PAFAH2: variants seen among roughly 807,000 people sequenced by gnomAD.
PAFAH2 encodes the protein platelet-activating factor acetylhydrolase 2, cytoplasmic.
In PAFAH2, 42 loss-of-function variants were observed where a neutral mutation model predicts 49.0. The ratio of observed to expected loss-of-function variants is 0.86; its 90% CI spans 0.67 to 1.11. The LOEUF is 1.11. Ranked by LOEUF, PAFAH2 falls within the 50% of genes least tolerant of loss-of-function variation. PAFAH2 has a pLI of 0.00. For missense variants in PAFAH2, 503 were observed against 501.8 expected, an observed-to-expected ratio of 1.00 and a Z score of -0.02; for synonymous variants, 184 against 181.3, an observed-to-expected ratio of 1.01 and a Z score of -0.12.
Position 25,998,036 on chromosome 1 carries a change from G to A in PAFAH2, c.-59C>T, listed in dbSNP as rs2049961219. The A allele has an allele frequency of 1.3e-5, 2 of 152,236 alleles. No individual in the cohort carries two copies. Among genetic ancestry groups the A allele is most frequent in the African/African-American group, 4.8e-5 (2 of 41,452 alleles). 9.4% of individuals were successfully genotyped at this position (152,236 alleles called of 1,614,324 possible). A position where few individuals can be genotyped will look rare whatever the true frequency, so the allele number is the denominator to read the frequency against. On this transcript the variant is annotated 5_prime_UTR_variant, in exon 1 of 11. Coordinates refer to ENST00000374282, the MANE Select transcript of PAFAH2 (RefSeq NM_000437.4). ...CCAATCAAACTTACCCAGTCAAGCTGATTCCTCAGAAGCAGCCCCAGACGT... is the reference window on the plus strand; with the variant it reads ...CCAATCAAACTTACCCAGTCAAGCTAATTCCTCAGAAGCAGCCCCAGACGT...
chr1:25,977,638 G>A (rs1388112785), intron 7 of PAFAH2, among the ~76,000 whole-genome samples: 1 of 145,642 alleles, frequency 6.9e-6, no homozygotes, highest in Non-Finnish European at 1.5e-5. Flanking sequence ...CTGGGTGAGA[G>A]TGAGACCCTG....
chr1:25,992,422 C>T (rs1024493604), intron 1 of PAFAH2, among the ~76,000 whole-genome samples: 2 of 152,198 alleles, frequency 1.3e-5, no homozygotes, highest in African/African-American at 4.8e-5. Flanking sequence ...ACACTCCTGA[C>T]TAGATAACAT....
chr1:25,997,891 T>G (rs1029258026), intron 1 of PAFAH2, 134 bp downstream of exon 1: 1 of 152,136 alleles, frequency 6.6e-6, no homozygotes, highest in African/African-American at 2.4e-5. Flanking sequence ...GGTGTCTGAA[T>G]AGGAAACGTA....
At chr1:25,965,926 T>C (rs1289238749) in intron 10 of PAFAH2, among the ~76,000 whole-genome samples, 2 of 127,616 alleles carry the variant, frequency 1.6e-5, no homozygotes, top group Non-Finnish European at 3.3e-5. Flanking sequence ...CTGCAGAAAC[T>C]GGACTCAAAA....
rs1051225545 is a variant in PAFAH2, at chr1:25,982,455, C to T, written c.575G>A (p.Cys192Tyr). Residue 192 changes from cysteine to tyrosine, a missense_variant, in exon 7 of 11, where the codon TGT becomes TAT. Physicochemically the swap from Cys to Tyr is radical, Grantham distance 194. Transcript: ENST00000374282. ...TTGCAGGATCTTCAACACCCGTAAA[C>T]ACTCGCTTACCCGCTGATGCACCTG... ...NPQVHQRVSE[C>Y]LRVLKILQEV... 1.9e-6 allele frequency: 3 copies of T among 1,613,910 alleles called. No homozygotes were observed. The highest frequency in any genetic ancestry group is 2.2e-5 in the East Asian group (1 of 44,892).
intron 4 of PAFAH2, among the ~76,000 whole-genome samples, chr1:25,985,654 T>C (rs2049771083): frequency 6.6e-6 from 1 of 152,230 alleles, no homozygotes; most frequent in Non-Finnish European, 1.5e-5. Flanking sequence ...TTCCTGAAGG[T>C]AGGAATTCTC....
Position 25,972,545 on chromosome 1 carries a change from G to T in PAFAH2, c.1084+13C>A. On this transcript the variant is annotated intron_variant, in intron 10 of 10. Coordinates refer to ENST00000374282, the MANE Select transcript of PAFAH2 (RefSeq NM_000437.4). ...CCCCACAGCTGCCCCAAGAGCCCCA[G>T]TTTTCTCCTTACCGAGGTGCTTCTG... 1 of 1,611,048 alleles carries T rather than the reference G, an allele frequency of 6.2e-7. No individual in the cohort carries two copies. Among genetic ancestry groups the T allele is most frequent in the Non-Finnish European group, 8.5e-7 (1 of 1,178,070 alleles).
rs80243732 is a variant in PAFAH2 at position 25,990,983 on chromosome 1, G to A, written c.-47-120C>T. On this transcript the variant is annotated intron_variant, in intron 1 of 10. Coordinates refer to ENST00000374282, the MANE Select transcript of PAFAH2 (RefSeq NM_000437.4). The stretch of plus-strand genomic sequence containing the variant: ...TTAGCACCTCATCCTCCCTGCCGTC[G>A]CTCATTAAATCTTGCACCTACTACT... 2,244 of 580,144 alleles carry A rather than the reference G, an allele frequency of 3.9e-3. 40 individuals are homozygous for A. Among genetic ancestry groups the A allele is most frequent in the African/African-American group, 0.038 (2,038 of 53,710 alleles). The allele number at this position is 580,144 out of a possible 1,614,324, so 35.9% of individuals were successfully genotyped here.
intron 4 of PAFAH2, among the ~76,000 whole-genome samples, chr1:25,986,901 C>T (rs2049789717): frequency 6.6e-6 from 1 of 152,028 alleles, no homozygotes; most frequent in South Asian, 2.1e-4. Flanking sequence ...CTATTATATG[C>T]TGGGCACTGC....
intron 7 of PAFAH2, among the ~76,000 whole-genome samples, chr1:25,980,285 C>G (rs1027119915): frequency 5.9e-5 from 9 of 151,846 alleles, no homozygotes; most frequent in Non-Finnish European, 1.0e-4. Flanking sequence ...GGGAGGAGCT[C>G]TTGAAATAGC....
At chr1:25,988,696 A>G (rs6696592) in intron 3 of PAFAH2, among the ~76,000 whole-genome samples, 81,565 of 150,488 alleles carry the variant, frequency 0.54, 24,982 homozygotes, top group East Asian at 0.7. Context: ...CCAGCTACTC[A>G]GGAGGCTGAG....
intron 7 of PAFAH2, among the ~76,000 whole-genome samples, chr1:25,979,556 C>T (rs181188439): frequency 9.4e-4 from 143 of 151,846 alleles, no homozygotes; most frequent in African/African-American, 3.3e-3. Flanking sequence ...GGTGTGGTCT[C>T]GGCTCACTAC....
chr1:25,997,836 A>C (rs1364470012), intron 1 of PAFAH2, among the ~76,000 whole-genome samples, 189 bp downstream of exon 1: 3 of 152,090 alleles, frequency 2.0e-5, no homozygotes, highest in Non-Finnish European at 4.4e-5. Flanking sequence ...TGGCCGTTAA[A>C]AGTGCGAGGC....
In PAFAH2 at chr1:25,962,401, C is replaced by T. The variant is rs2049352413; in HGVS notation, c.1085-318G>A. 2.6e-5 allele frequency among the ~76,000 whole-genome samples: 4 copies of T among 152,126 alleles called. No homozygotes were observed. The South Asian group carries it at 6.2e-4, about 24-fold the overall frequency. ...GTTTCATTTAATTTTCACCATATCC[C>T]TATGAACTAAGTATTAATACTAATC... On this transcript the variant is annotated intron_variant, in intron 10 of 10. Coordinates refer to ENST00000374282, the MANE Select transcript of PAFAH2 (RefSeq NM_000437.4).
At chr1:25,982,868 T>C (rs2049712154) in intron 6 of PAFAH2, among the ~76,000 whole-genome samples, 1 of 152,196 alleles carries the variant, frequency 6.6e-6, no homozygotes, top group African/African-American at 2.4e-5. Flanking sequence ...CCCCCTTTCC[T>C]TCTCTTGTTA....
intron 1 of PAFAH2, among the ~76,000 whole-genome samples, chr1:25,991,521 A>T (rs563476282): frequency 6.8e-6 from 1 of 146,684 alleles, no homozygotes; most frequent in Non-Finnish European, 1.5e-5. Context: ...TGACCTCGTG[A>T]TCTACCCACT....
intron 10 of PAFAH2, among the ~76,000 whole-genome samples, chr1:25,965,687 G>A (rs1184518684): frequency 2.0e-5 from 3 of 151,308 alleles, no homozygotes; most frequent in South Asian, 4.2e-4. Flanking sequence ...GCATGGTGGC[G>A]GGCACCTGTA....
At position 25,990,801 on chromosome 1, in the gene PAFAH2, A is replaced by C. The variant is rs1304571973; in HGVS notation, c.16T>G (p.Ser6Ala). The C allele has an allele frequency of 6.2e-7, 1 of 1,614,018 alleles. No homozygotes were observed. The highest frequency in any genetic ancestry group is 1.7e-5 in the Admixed American group (1 of 60,010). MGVNQ[S>A]VGFPPVTGPH... Reference sequence around the variant, plus strand: ...CCTGTGACAGGTGGAAAGCCCACAGACTGGTTGACCCCCATTTCATCACCG... The same window carrying C: ...CCTGTGACAGGTGGAAAGCCCACAGCCTGGTTGACCCCCATTTCATCACCG... Residue 6 changes from serine (S) to alanine (A), a missense_variant, in exon 2 of 11, where the codon TCT (serine) becomes GCT (alanine). Physicochemically the swap from Ser to Ala is moderately conservative, Grantham distance 99. Coordinates refer to ENST00000374282, the MANE Select transcript of PAFAH2 (RefSeq NM_000437.4).
intron 7 of PAFAH2, among the ~76,000 whole-genome samples, chr1:25,980,498 G>A (rs1318776276): frequency 6.6e-6 from 1 of 150,996 alleles, no homozygotes; most frequent in Non-Finnish European, 1.5e-5. Flanking sequence ...TAGTAGAGAC[G>A]GGGTTTCGCC....
Sources: gnomAD v4.1 joint callset for allele counts (sites outside exome capture counted in the v4.1 genomes callset) on GRCh38, gnomAD v4.1.1 for gene constraint, MANE v1.5 for transcripts, NCBI Gene and HGNC (gene_info 2026-07-23, HGNC 2026-07-21) for gene names.